DEFB114: variants seen among roughly 807,000 people sequenced by gnomAD.
The protein encoded by DEFB114 is defensin beta 114, also known as beta-defensin 114.
Under a neutral mutation model 2.4 loss-of-function variants are expected in DEFB114, and 4 were observed. That is an observed-to-expected ratio of 1.67 (90% CI 0.82 to 3.82). The LOEUF is 3.82. Among genes scored for constraint, DEFB114 ranks in the 30% most tolerant of loss-of-function variants. DEFB114 has a pLI of 0.01. For synonymous variants in DEFB114, 35 were observed against 24.6 expected (o/e 1.42, Z -1.26); for missense variants, 113 against 85.8 (o/e 1.32, Z -1.25).
At position 49,960,252 on chromosome 6, in the gene DEFB114, T is replaced by A. The variant is rs1261466749; in HGVS notation, c.*40A>T. ...ATATTCCCACACCTCTCTGCACTGG[T>A]GCACATGTAACTTCTTTGTTCAGAG... On this transcript the variant is annotated 3_prime_UTR_variant, in exon 2 of 2. Transcript: ENST00000322066. 1 of 1,554,580 alleles carries A rather than the reference T, an allele frequency of 6.4e-7. No individual in the cohort carries two copies. The highest frequency in any genetic ancestry group is 8.7e-7 in the Non-Finnish European group (1 of 1,153,086).
chr6:49,962,101 C>G (rs1773472183), intron 1 of DEFB114, among the ~76,000 whole-genome samples: 1 of 150,374 alleles, frequency 6.7e-6, no homozygotes, highest in African/African-American at 2.4e-5. Context: ...TTTTGTTGGG[C>G]ATATCCCTAA....
intron 1 of DEFB114, 97 bp downstream of exon 1, chr6:49,963,954 A>G (rs1027871999): frequency 1.5e-5 from 13 of 865,638 alleles, no homozygotes; most frequent in Non-Finnish European, 2.3e-5. Flanking sequence ...TTAATTGATA[A>G]GATTGCATTA....
chr6:49,964,116 G>C lies in DEFB114; in HGVS notation c.-11C>G. ...GTAAAAGATCCTCATTCTGTAGAAA[G>C]AAGTTGTTGAAAGACTTGATAACAG... On this transcript the variant is annotated 5_prime_UTR_variant, in exon 1 of 2. Coordinates refer to ENST00000322066, the MANE Select transcript of DEFB114 (RefSeq NM_001037499.2). 1 of 1,573,750 alleles carries C rather than the reference G, an allele frequency of 6.4e-7. No individual in the cohort carries two copies. Among genetic ancestry groups the C allele is most frequent in the Non-Finnish European group, 8.6e-7 (1 of 1,156,072 alleles).
intron 1 of DEFB114, among the ~76,000 whole-genome samples, chr6:49,961,147 T>C (rs997382519): frequency 1.1e-4 from 16 of 150,766 alleles, no homozygotes; most frequent in African/African-American, 3.4e-4. Flanking sequence ...TTGTTAGTTA[T>C]GGATTTTAAA....
chr6:49,962,633 C>T (rs1773481398), intron 1 of DEFB114, among the ~76,000 whole-genome samples: 5 of 150,326 alleles, frequency 3.3e-5, no homozygotes, highest in African/African-American at 4.9e-5. Context: ...AGAAATACTA[C>T]TACTTGTATG....
intron 1 of DEFB114, among the ~76,000 whole-genome samples, chr6:49,960,915 T>A (rs1389367594): frequency 1.3e-5 from 2 of 150,948 alleles, no homozygotes; most frequent in Non-Finnish European, 3.0e-5. Context: ...CCACAAAAAT[T>A]TATGCAATTT....
Position 49,964,093 on chromosome 6 carries a change from A to C in DEFB114, c.13T>G (p.Tyr5Asp), listed in dbSNP as rs1429913053. 1 of 1,585,920 alleles carries C rather than the reference A, an allele frequency of 6.3e-7. No homozygotes were observed. Among genetic ancestry groups the C allele is most frequent in the East Asian group, 2.3e-5 (1 of 44,000 alleles). Residue 5 changes from tyrosine to aspartate, a missense_variant, in exon 1 of 2, where the codon TAC becomes GAC. Coordinates refer to ENST00000322066, the MANE Select transcript of DEFB114 (RefSeq NM_001037499.2). Reference sequence around the variant, plus strand: ...ACATAACACAGAAAATGGAGATAGTAAAAGATCCTCATTCTGTAGAAAGAA... The same window carrying C: ...ACATAACACAGAAAATGGAGATAGTCAAAGATCCTCATTCTGTAGAAAGAA... MRIF[Y>D]YLHFLCYVTF...
At chr6:49,961,264 TATTCTA>T (rs1773455809) in intron 1 of DEFB114, among the ~76,000 whole-genome samples, 1 of 150,758 alleles carries the variant, frequency 6.6e-6, no homozygotes, top group South Asian at 2.1e-4. Context: ...TTTAATGTAT[TATTCTA>T]ACTTCAAAAT....
At chr6:49,964,026 AAT>A in intron 1 of DEFB114, 23 bp downstream of exon 1, 2 of 1,521,130 alleles carry the variant, frequency 1.3e-6, no homozygotes, top group Non-Finnish European at 1.8e-6. Context: ...GTTTTACACA[AAT>A]ATAACAGAGA....
chr6:49,962,009 C>T (rs1355366802), intron 1 of DEFB114, among the ~76,000 whole-genome samples: 2 of 150,516 alleles, frequency 1.3e-5, no homozygotes, highest in Admixed American at 1.3e-4. Context: ...GACATTTTAG[C>T]CTTATCTGCT....
At chr6:49,963,207 T>C (rs1040972749) in intron 1 of DEFB114, among the ~76,000 whole-genome samples, 3 of 150,070 alleles carry the variant, frequency 2.0e-5, no homozygotes, top group Non-Finnish European at 4.5e-5. Flanking sequence ...AGAAAGAAAA[T>C]TACTCATTAA....
At chr6:49,963,995 T>C (rs1773502578) in intron 1 of DEFB114, 56 bp downstream of exon 1, 1 of 1,279,410 alleles carries the variant, frequency 7.8e-7, no homozygotes, top group African/African-American at 1.5e-5. Context: ...AATAATTTAT[T>C]ATTTCTATTT....
intron 1 of DEFB114, 95 bp from the exon 2 acceptor site, chr6:49,960,541 T>C: frequency 7.5e-7 from 1 of 1,325,768 alleles, no homozygotes. Flanking sequence ...TTGTATCAAG[T>C]TTAGAAAATA....
chr6:49,960,418 A>G lies in DEFB114; in HGVS notation c.84T>C (p.Arg28=). 1 of 1,605,612 alleles carries G rather than the reference A, an allele frequency of 6.2e-7. No homozygotes were observed. The highest frequency in any genetic ancestry group is 8.5e-7 in the Non-Finnish European group (1 of 1,175,356). ...PATCTLVNAD[R]CTKRYGRCKR... ...TACAACGACCGTAACGTTTGGTGCA[A>G]CGATCAGCATTCACCAAGGTACATG... Residue 28 remains arginine (R), a synonymous_variant, in exon 2 of 2, where the codon CGT becomes CGC. Transcript: ENST00000322066.
At position 49,960,301 on chromosome 6, in the gene DEFB114, A is replaced by G. The variant is rs141778979; in HGVS notation, c.201T>C (p.Asp67=). 26 of 1,602,058 alleles carry G rather than the reference A, an allele frequency of 1.6e-5. No homozygotes were observed. In the African/African-American group the frequency reaches 2.6e-4, roughly 16 times the overall value. The change falls in exon 2 of 2, where the codon GAT becomes GAC. Residue 67 remains aspartate (D), a synonymous_variant. Coordinates refer to ENST00000322066, the MANE Select transcript of DEFB114 (RefSeq NM_001037499.2). ...CCTEKLYEED[D]MF ...AGGTATGCCTTTCTTTTCAAAACAT[A>G]TCATCTTCTTCATACAATTTCTCAG...
chr6:49,963,956 A>T, intron 1 of DEFB114, 95 bp downstream of exon 1: 1 of 878,824 alleles, frequency 1.1e-6, no homozygotes, highest in South Asian at 1.6e-5. Context: ...AATTGATAAG[A>T]TTGCATTAAA....
intron 1 of DEFB114, among the ~76,000 whole-genome samples, chr6:49,960,767 C>T (rs9381833): frequency 0.38 from 57,800 of 150,228 alleles, 11,314 homozygotes; most frequent in East Asian, 0.53. Flanking sequence ...AATCTTTCAG[C>T]TGTTTTCAGA....
intron 1 of DEFB114, among the ~76,000 whole-genome samples, chr6:49,962,662 T>G (rs1462872918): frequency 2.0e-5 from 3 of 150,424 alleles, no homozygotes; most frequent in African/African-American, 7.3e-5. Flanking sequence ...GTTAGTAAAT[T>G]CTTTTACATT....
Position 49,960,276 on chromosome 6 carries a change from A to C in DEFB114, c.*16T>G. On this transcript the variant is annotated 3_prime_UTR_variant, in exon 2 of 2. Coordinates refer to ENST00000322066, the MANE Select transcript of DEFB114 (RefSeq NM_001037499.2). ...GTGCACATGTAACTTCTTTGTTCAG[A>C]GGTATGCCTTTCTTTTCAAAACATA... 6.3e-7 allele frequency: 1 copy of C among 1,593,058 alleles called. No individual in the cohort carries two copies.
Sources: allele counts gnomAD v4.1 joint callset (sites outside exome capture counted in the v4.1 genomes callset), GRCh38; gene constraint gnomAD v4.1.1; transcripts MANE v1.5; gene names NCBI Gene and HGNC (gene_info 2026-07-23, HGNC 2026-07-21).